The following JMJD8 variants were observed in gnomAD, a reference collection of about 807,000 sequenced individuals.
JMJD8 encodes jumonji domain containing 8.
JMJD8 carries 56 observed loss-of-function variants against 37.6 expected under a neutral mutation model. The observed-to-expected ratio is 1.49, with a 90% CI of 1.20 to 1.86. The LOEUF is 1.86. JMJD8 is among the 40% of genes most tolerant of loss of function. The pLI is 0.00. For synonymous variants in JMJD8, 261 were observed against 163.7 expected, an observed-to-expected ratio of 1.59 and a Z score of -4.54; for missense variants, 542 against 362.7, an observed-to-expected ratio of 1.49 and a Z score of -4.01.
Position 684,015 on chromosome 16 carries a change from C to T in JMJD8, c.176+51G>A, listed in dbSNP as rs1276479772. The T allele has an allele frequency of 5.1e-6, 8 of 1,563,636 alleles. No individual in the cohort carries two copies. The East Asian group carries it at 1.2e-4, about 23-fold the overall frequency. ...GGAAGGCGGCCTTGGGCGGTCGGGG[C>T]AGACGGGCCGGTGAACAGGACGCGA... On this transcript the variant is annotated intron_variant, in intron 2 of 8. Coordinates refer to ENST00000609261, the MANE Select transcript of JMJD8 (RefSeq NM_001005920.4).
chr16:683,067 A>C lies in JMJD8; in HGVS notation c.600T>G (p.Pro200=). 6.2e-7 allele frequency: 1 copy of C among 1,613,570 alleles called. No individual in the cohort carries two copies. Among genetic ancestry groups the C allele is most frequent in the South Asian group, 1.1e-5 (1 of 91,086 alleles). The part of the protein sequence containing the change: ...YGRKRWFLYP[P]EKTPEFHPNK... ...TGGGGTGGAACTCTGGCGTCTTCTC[A>C]GGTGGGTAAAGGAACCAGCGCTGGG... Residue 200 remains proline (P), a synonymous_variant, in exon 8 of 9, where the codon CCT becomes CCG. Transcript: ENST00000609261.
At chr16:683,988 G>C (rs1008039280) in intron 2 of JMJD8, 78 bp downstream of exon 2, 11 of 1,557,078 alleles carry the variant, frequency 7.1e-6, no homozygotes, top group Non-Finnish European at 9.5e-6. Context: ...CGCGAGGTCA[G>C]GGGAAGGCGG....
At position 683,220 on chromosome 16, in the gene JMJD8, C is replaced by T. The variant is rs761366889; in HGVS notation, c.526G>A (p.Val176Met). The T allele has an allele frequency of 2.5e-6, 4 of 1,613,096 alleles. No individual in the cohort carries two copies. Among genetic ancestry groups the T allele is most frequent in the Admixed American group, 1.7e-5 (1 of 60,008 alleles). Reference sequence around the variant, plus strand: ...CCGGGTCCATGCCAGTGGAAGGGCACCCCCGAGCCAGCTCCTGTGGGGTTA... The same window carrying T: ...CCGGGTCCATGCCAGTGGAAGGGCATCCCCGAGCCAGCTCCTGTGGGGTTA... Reference protein sequence around the residue: ...SFGIAGAGSGVPFHWHGPGYS... With the variant: ...SFGIAGAGSGMPFHWHGPGYS... Residue 176 changes from valine (V) to methionine (M), a missense_variant, in exon 7 of 9, where the codon GTG becomes ATG. Coordinates refer to ENST00000609261, the MANE Select transcript of JMJD8 (RefSeq NM_001005920.4).
rs2039722774 is a variant in JMJD8 at position 682,696 on chromosome 16, G to A, written c.*98C>T. On this transcript the variant is annotated 3_prime_UTR_variant, in exon 9 of 9. Transcript: ENST00000609261. ...CTGGAAAAGCAGGTGAGGGTGGGCT[G>A]GGCTGAGGCCATTGCCGCCACTATC... The A allele has an allele frequency of 6.8e-7, 1 of 1,468,186 alleles. No individual in the cohort carries two copies. Among genetic ancestry groups the A allele is most frequent in the African/African-American group, 1.4e-5 (1 of 72,250 alleles). The allele number at this position is 1,468,186 out of a possible 1,614,324, so 90.9% of individuals were successfully genotyped here.
In JMJD8 at chr16:681,871, G is replaced by C. The variant is rs775746999; in HGVS notation, c.*923C>G. The stretch of plus-strand genomic sequence containing the variant: ...TCCGGGCCCAGCAGGCCTGCATTGA[G>C]GCCAAGCACGTGAGGGTGCCCCCCA... On this transcript the variant is annotated 3_prime_UTR_variant, in exon 9 of 9. Transcript: ENST00000609261. The C allele has an allele frequency of 6.2e-7, 1 of 1,612,818 alleles. No individual in the cohort carries two copies. The highest frequency in any genetic ancestry group is 1.3e-5 in the African/African-American group (1 of 74,948).
chr16:682,121 C>T lies in JMJD8; in HGVS notation c.*673G>A. Reference sequence around the variant, plus strand: ...TGCCGATGGCTGGCAGGTGCTCGTGCAGTGCCCCTTTTCAGCCTCTGACCG... The same window carrying T: ...TGCCGATGGCTGGCAGGTGCTCGTGTAGTGCCCCTTTTCAGCCTCTGACCG... On this transcript the variant is annotated 3_prime_UTR_variant, in exon 9 of 9. Coordinates refer to ENST00000609261, the MANE Select transcript of JMJD8 (RefSeq NM_001005920.4). 2 of 1,587,764 alleles carry T rather than the reference C, an allele frequency of 1.3e-6. No homozygotes were observed. The highest frequency in any genetic ancestry group is 8.6e-7 in the Non-Finnish European group (1 of 1,160,458).
chr16:682,928 T>G, intron 8 of JMJD8, 25 bp downstream of exon 8: 10 of 1,611,760 alleles, frequency 6.2e-6, no homozygotes, highest in Non-Finnish European at 8.5e-6. Flanking sequence ...TAGCCTGGCC[T>G]GGCCCTCTCC....
At position 681,702 on chromosome 16, in the gene JMJD8, T is replaced by C. The variant is rs185352528; in HGVS notation, c.*1092A>G. ...GAAGGCTTTACTGGCAAGCAGGAAA[T>C]GTGGGGAAGTGTGGATGTTAGCTCT... On this transcript the variant is annotated 3_prime_UTR_variant, in exon 9 of 9. Transcript: ENST00000609261. The C allele has an allele frequency of 2.3e-4, 352 of 1,550,252 alleles. 1 individual carries two copies. In the African/African-American group the frequency reaches 3.9e-3, roughly 17 times the overall value.
rs1323064605 is a variant in JMJD8, at chr16:683,376, G to A, written c.457C>T (p.Pro153Ser). 1 of 1,557,800 alleles carries A rather than the reference G, an allele frequency of 6.4e-7. No individual in the cohort carries two copies. The highest frequency in any genetic ancestry group is 8.7e-7 in the Non-Finnish European group (1 of 1,150,492). Residue 153 changes from proline to serine, a missense_variant, in exon 6 of 9, where the codon CCA (proline) becomes TCA (serine). Coordinates refer to ENST00000609261, the MANE Select transcript of JMJD8 (RefSeq NM_001005920.4). ...EWASLFRHYSPPPFGLLGTAP... is the reference protein window; with the variant it reads ...EWASLFRHYSSPPFGLLGTAP... ...GTTCCCAGCAGGCCAAATGGGGGTG[G>A]GGAGTAGTGCCGAAAGAGAGAGGCC...
Position 684,053 on chromosome 16 carries a change from G to A in JMJD8, c.176+13C>T, listed in dbSNP as rs1385383040. The A allele has an allele frequency of 4.4e-6, 7 of 1,579,350 alleles. No individual in the cohort carries two copies. Among genetic ancestry groups the A allele is most frequent in the South Asian group, 3.4e-5 (3 of 88,136 alleles). On this transcript the variant is annotated intron_variant, in intron 2 of 8. Coordinates refer to ENST00000609261, the MANE Select transcript of JMJD8 (RefSeq NM_001005920.4). ...GAACAGGACGCGACCTCCGCGATCA[G>A]GGGCGCACGTACTGCTGCACGAACT...
At position 682,197 on chromosome 16, in the gene JMJD8, G is replaced by A. The variant is rs373247057; in HGVS notation, c.*597C>T. 12 of 1,611,568 alleles carry A rather than the reference G, an allele frequency of 7.4e-6. No homozygotes were observed. The African/African-American group carries it at 1.3e-4, about 18-fold the overall frequency. On this transcript the variant is annotated 3_prime_UTR_variant, in exon 9 of 9. Transcript: ENST00000609261. The stretch of plus-strand genomic sequence containing the variant: ...ACATCCCCGACTACCTGTGTGGCAA[G>A]ATCAGCTTTGAGCTGATGCGGGAGC...
chr16:683,596 C>T lies in JMJD8; in HGVS notation c.325G>A (p.Asp109Asn), dbSNP rs1304522939. The change falls in exon 5 of 9, where the codon GAC (aspartate) becomes AAC (asparagine). Residue 109 changes from aspartate (D) to asparagine (N), a missense_variant and splice_region_variant. Coordinates refer to ENST00000609261, the MANE Select transcript of JMJD8 (RefSeq NM_001005920.4). ...TANTYSYHKV[D>N]LPFQEYVEQL... ...TCCACATACTCCTGGAAGGGCAAGT[C>T]CACTGCAGGAAAGAGACGGGTCAGG... The T allele has an allele frequency of 6.3e-7, 1 of 1,577,108 alleles. No individual in the cohort carries two copies.
chr16:684,150 G>C lies in JMJD8; in HGVS notation c.92C>G (p.Pro31Arg). ...SGAEGDGGWR[P>R]GGPGAVAEEE... ...CTCCGCCACGGCCCCCGGCCCGCCC[G>C]GGCGCCTGCGGGCACAGCTGGGTCA... The change falls in exon 2 of 9, where the codon CCG (proline) becomes CGG (arginine). Residue 31 changes from proline to arginine, a missense_variant. By Grantham distance (103) the Pro-to-Arg change is moderately radical (BLOSUM62 -2). Transcript: ENST00000609261. 6.8e-7 allele frequency: 1 copy of C among 1,471,490 alleles called. No homozygotes were observed. Among genetic ancestry groups the C allele is most frequent in the Non-Finnish European group, 8.9e-7 (1 of 1,118,664 alleles). 91.2% of individuals were successfully genotyped at this position (1,471,490 alleles called of 1,614,324 possible). A position where few individuals can be genotyped will look rare whatever the true frequency, so the allele number is the denominator to read the frequency against.
At position 682,152 on chromosome 16, in the gene JMJD8, C is replaced by T. The variant is rs1327717226; in HGVS notation, c.*642G>A. 15 of 1,600,610 alleles carry T rather than the reference C, an allele frequency of 9.4e-6. No homozygotes were observed. The highest frequency in any genetic ancestry group is 2.2e-5 in the East Asian group (1 of 44,476). ...CCCTTTTCAGCCTCTGACCGTGTGC[C>T]CCTGTGCCACAGAAGCGAGACATCC... is the stretch of plus-strand genomic sequence containing the variant. On this transcript the variant is annotated 3_prime_UTR_variant, in exon 9 of 9. Transcript: ENST00000609261.
chr16:683,983 G>T, intron 2 of JMJD8, 74 bp from the exon 3 acceptor site: 1 of 1,556,820 alleles, frequency 6.4e-7, no homozygotes, highest in East Asian at 2.4e-5. Flanking sequence ...GTGCGCGCGA[G>T]GTCAGGGGAA....
chr16:683,407 G>A lies in JMJD8; in HGVS notation c.426C>T (p.Thr142=), dbSNP rs202218021. 43 of 1,553,172 alleles carry A rather than the reference G, an allele frequency of 2.8e-5. No individual in the cohort carries two copies. Among genetic ancestry groups the A allele is most frequent in the East Asian group, 2.4e-5 (1 of 41,036 alleles). Residue 142 remains threonine (T), a synonymous_variant, in exon 6 of 9, where the codon ACC becomes ACT. Transcript: ENST00000609261. The part of the protein sequence containing the change: ...TLYFFGDNNF[T]EWASLFRHYS... ...AGTGCCGAAAGAGAGAGGCCCACTC[G>A]GTGAAGTTGTTGTCCCCGAAGAAGT...
chr16:684,104 C>G lies in JMJD8; in HGVS notation c.138G>C (p.Glu46Asp). ...AVAEEERCTV[E>D]RRADLTYAEF... The stretch of plus-strand genomic sequence containing the variant: ...CCGCGTAGGTGAGGTCGGCCCGACG[C>G]TCCACCGTGCAGCGCTCCTCCTCCG... The change falls in exon 2 of 9, where the codon GAG (glutamate) becomes GAC (aspartate). Residue 46 changes from glutamate to aspartate, a missense_variant. Glu to Asp is a conservative substitution (Grantham distance 45). Transcript: ENST00000609261. 1 of 1,567,194 alleles carries G rather than the reference C, an allele frequency of 6.4e-7. No individual in the cohort carries two copies. Among genetic ancestry groups the G allele is most frequent in the Non-Finnish European group, 8.6e-7 (1 of 1,165,188 alleles).
At position 683,904 on chromosome 16, in the gene JMJD8, G is replaced by A. The variant is rs926752325; in HGVS notation, c.182C>T (p.Ala61Val). 18 of 1,579,490 alleles carry A rather than the reference G, an allele frequency of 1.1e-5. No individual in the cohort carries two copies. The highest frequency in any genetic ancestry group is 2.3e-5 in the East Asian group (1 of 42,814). ...CTGCAGGATGACGGGCCTGACGAAG[G>A]CGTACCTGGAAAGAAGGGCAGAGTC... ...LTYAEFVQQY[A>V]FVRPVILQGL... The change falls in exon 3 of 9, where the codon GCC becomes GTC. Residue 61 changes from alanine to valine, a missense_variant. Ala to Val is a moderately conservative substitution (Grantham distance 64). Coordinates refer to ENST00000609261, the MANE Select transcript of JMJD8 (RefSeq NM_001005920.4).
chr16:683,027 C>T lies in JMJD8; in HGVS notation c.640G>A (p.Ala214Thr). The T allele has an allele frequency of 6.2e-7, 1 of 1,613,486 alleles. No individual in the cohort carries two copies. Among genetic ancestry groups the T allele is most frequent in the Non-Finnish European group, 8.5e-7 (1 of 1,179,874 alleles). ...GCTGGGTATGTGTCCCGGAGCCAGG[C>T]CAGCGTGGTCTTGTTGGGGTGGAAC... ...PEFHPNKTTL[A>T]WLRDTYPALP... is the part of the protein sequence containing the mutation. The change falls in exon 8 of 9, where the codon GCC becomes ACC. Residue 214 changes from alanine (A) to threonine (T), a missense_variant. By Grantham distance (58) the Ala-to-Thr change is moderately conservative. Transcript: ENST00000609261.
Sources: gnomAD v4.1 joint callset for allele counts on GRCh38, gnomAD v4.1.1 for gene constraint, MANE v1.5 for transcripts, NCBI Gene and HGNC (gene_info 2026-07-23, HGNC 2026-07-21) for gene names.